SCFD2: variants seen among roughly 807,000 people sequenced by gnomAD.
SCFD2 encodes sec1 family domain containing 2, also known as sec1 family domain-containing protein 2.
In SCFD2, 54 loss-of-function variants were observed where a neutral mutation model predicts 58.9. That is an observed-to-expected ratio of 0.92 (90% CI 0.74 to 1.15). The LOEUF (loss-of-function observed/expected upper bound fraction) is 1.15. Ranked by LOEUF, SCFD2 falls within the 50% of genes most tolerant of loss-of-function variation. The probability of loss-of-function intolerance (pLI) is 0.00; values close to 1 mark genes in which losing one functional copy is unlikely to be tolerated. For synonymous variants in SCFD2, 321 were observed against 335.9 expected (o/e 0.96, Z 0.49); for missense variants, 805 against 836.6 (o/e 0.96, Z 0.47).
At chr4:53,267,946 G>C (rs1195710755) in intron 4 of SCFD2, among the ~76,000 whole-genome samples, 1 of 152,198 alleles carries the variant, frequency 6.6e-6, no homozygotes, top group Non-Finnish European at 1.5e-5. Flanking sequence ...ATTCTCAGGA[G>C]AAAATCTCTG....
At chr4:52,975,111 C>G (rs1306329417) in intron 5 of SCFD2, among the ~76,000 whole-genome samples, 3 of 152,138 alleles carry the variant, frequency 2.0e-5, no homozygotes, top group Non-Finnish European at 4.4e-5. Flanking sequence ...TAGGCATGGG[C>G]AAGGACTTCA....
At chr4:53,248,013 G>C (rs1000112571) in intron 4 of SCFD2, among the ~76,000 whole-genome samples, 1 of 152,210 alleles carries the variant, frequency 6.6e-6, no homozygotes, top group Non-Finnish European at 1.5e-5. Flanking sequence ...CTGAGGTACT[G>C]GGTTCATCTC....
intron 8 of SCFD2, among the ~76,000 whole-genome samples, chr4:52,880,011 T>C (rs1185382921): frequency 6.6e-6 from 1 of 152,144 alleles, no homozygotes; most frequent in African/African-American, 2.4e-5. Flanking sequence ...CACGCACACA[T>C]ACACACACAC....
At chr4:52,947,108 A>C (rs1046492637) in intron 5 of SCFD2, among the ~76,000 whole-genome samples, 1 of 152,088 alleles carries the variant, frequency 6.6e-6, no homozygotes, top group African/African-American at 2.4e-5. Context: ...AATTACATAT[A>C]TTTGATCACT....
intron 5 of SCFD2, among the ~76,000 whole-genome samples, chr4:53,010,776 G>A (rs1032670570): frequency 2.0e-5 from 3 of 152,116 alleles, no homozygotes; most frequent in African/African-American, 4.8e-5. Flanking sequence ...TTTTGGGGCC[G>A]GGCTGGGGGG....
intron 2 of SCFD2, among the ~76,000 whole-genome samples, chr4:53,344,315 T>A (rs4385132): frequency 0.71 from 107,324 of 151,924 alleles, 38,108 homozygotes; most frequent in Middle Eastern, 0.8. Context: ...ACAGACAAAC[T>A]GAGAGCCAAA....
chr4:53,214,615 T>C (rs1317322853), intron 4 of SCFD2, among the ~76,000 whole-genome samples: 2 of 152,168 alleles, frequency 1.3e-5, no homozygotes, highest in Non-Finnish European at 2.9e-5. Flanking sequence ...CTGTTGACTA[T>C]GATGGTAGTT....
chr4:53,047,929 C>T (rs568807717), intron 5 of SCFD2, among the ~76,000 whole-genome samples: 1 of 152,220 alleles, frequency 6.6e-6, no homozygotes, highest in South Asian at 2.1e-4. Context: ...GCCCTTCTGC[C>T]CTGACTGGTC....
chr4:53,134,003 TA>T (rs1560350575), intron 5 of SCFD2, among the ~76,000 whole-genome samples: 1 of 152,134 alleles, frequency 6.6e-6, no homozygotes, highest in Non-Finnish European at 1.5e-5. Flanking sequence ...CATTCAACCT[TA>T]AAAAAGAAGA....
At chr4:52,995,432 G>A (rs773957098) in intron 5 of SCFD2, among the ~76,000 whole-genome samples, 17 of 152,184 alleles carry the variant, frequency 1.1e-4, no homozygotes, top group South Asian at 2.1e-4. Flanking sequence ...GTGTCAGTCC[G>A]TGGCCCAGGA....
rs1423000422 is a variant in SCFD2, at chr4:53,352,769, G to A, written c.839-3C>T. 1.2e-6 allele frequency: 2 copies of A among 1,610,956 alleles called. No individual in the cohort carries two copies. The highest frequency in any genetic ancestry group is 1.3e-5 in the African/African-American group (1 of 74,874). On this transcript the variant is annotated splice_polypyrimidine_tract_variant and splice_region_variant and intron_variant, in intron 1 of 8. Transcript: ENST00000401642. ...GTCTCCATGATGTCCAACTGCTCCT[G>A]TTTAAGCAGACAAGATGATGTAAAT...
chr4:53,202,836 T>C (rs1728291414), intron 4 of SCFD2, among the ~76,000 whole-genome samples: 1 of 152,172 alleles, frequency 6.6e-6, no homozygotes, highest in African/African-American at 2.4e-5. Flanking sequence ...TTGTCTGTTA[T>C]TGGTGTATAA....
At chr4:53,164,966 CT>C (rs1260338659) in intron 4 of SCFD2, among the ~76,000 whole-genome samples, 1 of 152,166 alleles carries the variant, frequency 6.6e-6, no homozygotes, top group Non-Finnish European at 1.5e-5. Flanking sequence ...TATAACAAGT[CT>C]TTTCAGAGTT....
At chr4:53,009,883 A>T (rs1722058301) in intron 5 of SCFD2, among the ~76,000 whole-genome samples, 1 of 152,114 alleles carries the variant, frequency 6.6e-6, no homozygotes, top group Non-Finnish European at 1.5e-5. Context: ...GGCCCTGTAA[A>T]CACCTTCAGT....
intron 5 of SCFD2, among the ~76,000 whole-genome samples, chr4:52,927,729 GCAGGTGTGCA>G (rs574220730): frequency 8.8e-4 from 134 of 152,322 alleles, no homozygotes; most frequent in African/African-American, 3.0e-3. Flanking sequence ...GCTGGGAAGA[GCAGGTGTGCA>G]CAGGACATGG....
chr4:53,176,585 G>T (rs1407559241), intron 4 of SCFD2, among the ~76,000 whole-genome samples: 1 of 152,196 alleles, frequency 6.6e-6, no homozygotes, highest in Non-Finnish European at 1.5e-5. Flanking sequence ...AATGGCAGCT[G>T]AGAGAAAAAG....
At position 52,893,318 on chromosome 4, in the gene SCFD2, G is replaced by T. The variant is rs545416082; in HGVS notation, c.1843-7452C>A. Among the ~76,000 whole-genome samples the T allele has an allele frequency of 1.1e-3, 169 of 151,746 alleles. 1 individual carries two copies. The Middle Eastern group carries it at 0.014, about 12-fold the overall frequency. ...ACTCCTGGGCTCAAGCGATCCTCCT[G>T]CCTCAGCCTCCCCAGCAGCCGGAAT... On this transcript the variant is annotated intron_variant, in intron 7 of 8. Coordinates refer to ENST00000401642, the MANE Select transcript of SCFD2 (RefSeq NM_152540.4).
At chr4:52,885,684 C>T (rs1053353761) in intron 8 of SCFD2, 63 bp downstream of exon 8, 33 of 1,593,780 alleles carry the variant, frequency 2.1e-5, no homozygotes, top group Non-Finnish European at 2.7e-5. Context: ...AGGTGGAGGG[C>T]CCTCACCCAC....
At chr4:53,007,395 AAGGAAGGAAGGG>A (rs1181539250) in intron 5 of SCFD2, among the ~76,000 whole-genome samples, 2 of 106,548 alleles carry the variant, frequency 1.9e-5, no homozygotes, top group African/African-American at 3.6e-5. Flanking sequence ...AGAAGGAAGG[AAGGAAGGAAGGG>A]AGGGAGGGAG....
Sources: gnomAD v4.1 joint callset for allele counts (sites outside exome capture counted in the v4.1 genomes callset) on GRCh38, gnomAD v4.1.1 for gene constraint, MANE v1.5 for transcripts, NCBI Gene and HGNC (gene_info 2026-07-23, HGNC 2026-07-21) for gene names.